INSL6: variants seen among roughly 807,000 people sequenced by gnomAD.
INSL6 encodes the protein insulin-like peptide INSL6.
In INSL6, 16 loss-of-function variants were observed where a neutral mutation model predicts 9.4. The ratio of observed to expected loss-of-function variants is 1.70; its 90% CI spans 1.15 to 2.59. INSL6 has a LOEUF of 2.59. Ranked by LOEUF, INSL6 falls within the 30% of genes most tolerant of loss-of-function variation. The pLI, the probability that INSL6 is intolerant of heterozygous loss-of-function variation, is 0.00. For missense variants in INSL6, 391 were observed against 257.3 expected, an observed-to-expected ratio of 1.52 and a Z score of -3.56; for synonymous variants, 154 against 96.9, an observed-to-expected ratio of 1.59 and a Z score of -3.46.
At chr9:5,039,876 T>G in the INSL6 span, among the ~76,000 whole-genome samples, 1 of 152,186 alleles carries the variant, frequency 6.6e-6, no homozygotes, top group Admixed American at 6.5e-5. Context: ...ATTTTTAAGA[T>G]GGCAATACTC....
In INSL6 at chr9:5,185,457, T is replaced by C. The variant is rs753365466; in HGVS notation, c.146A>G (p.Asn49Ser). 16 of 1,614,068 alleles carry C rather than the reference T, an allele frequency of 9.9e-6. No individual in the cohort carries two copies. The highest frequency in any genetic ancestry group is 1.1e-5 in the South Asian group (1 of 91,078). Reference protein sequence around the residue: ...KEIEKLCGHANWSQFRFEEET... With the variant: ...KEIEKLCGHASWSQFRFEEET... ...CTCCTCGAAACGGAACTGGCTCCAGTTGGCATGGCCGCAGAGTTTTTCTAT... is the reference window on the plus strand; with the variant it reads ...CTCCTCGAAACGGAACTGGCTCCAGCTGGCATGGCCGCAGAGTTTTTCTAT... Residue 49 changes from asparagine to serine, a missense_variant, in exon 1 of 2, where the codon AAC becomes AGC. Transcript: ENST00000381641.
chr9:5,141,165 A>G (rs893072576), intron 2 of INSL6, among the ~76,000 whole-genome samples: 7 of 151,240 alleles, frequency 4.6e-5, no homozygotes, highest in African/African-American at 1.7e-4. Flanking sequence ...TGTTGCAATG[A>G]ACATATGCAT....
At chr9:5,168,052 T>C (rs1825094277) in intron 1 of INSL6, among the ~76,000 whole-genome samples, 1 of 151,886 alleles carries the variant, frequency 6.6e-6, no homozygotes, top group African/African-American at 2.4e-5. Context: ...AAGAAAGACT[T>C]CACAAAAACC....
chr9:5,127,712 C>G, intron 3 of INSL6: 1 of 232,342 alleles, frequency 4.3e-6, no homozygotes. Context: ...TGCTCATGAA[C>G]TAAATTTAAG....
chr9:5,090,232 CTG>C, the INSL6 span, among the ~76,000 whole-genome samples: 1 of 152,138 alleles, frequency 6.6e-6, no homozygotes, highest in Non-Finnish European at 1.5e-5. Context: ...TTATAGAAAA[CTG>C]AAACGCAAAT....
At chr9:4,998,008 G>C in the INSL6 span, among the ~76,000 whole-genome samples, 3 of 152,004 alleles carry the variant, frequency 2.0e-5, no homozygotes, top group Non-Finnish European at 4.4e-5. Context: ...TAGCATGGCA[G>C]TATTTTAAAA....
chr9:5,128,169 T>C, intron 3 of INSL6: 1 of 231,962 alleles, frequency 4.3e-6, no homozygotes. Context: ...AAAAAGAAAA[T>C]AGTTTCTTAC....
chr9:5,093,063 T>C, the INSL6 span, among the ~76,000 whole-genome samples: 2 of 152,278 alleles, frequency 1.3e-5, no homozygotes, highest in Non-Finnish European at 2.9e-5. Flanking sequence ...ACTGGTCTAA[T>C]CTATTATTTA....
the INSL6 span, among the ~76,000 whole-genome samples, chr9:5,024,400 C>G: frequency 3.9e-5 from 6 of 152,218 alleles, no homozygotes; most frequent in South Asian, 2.1e-4. Context: ...CTCTTTCAGT[C>G]TTTGCAGATT....
At chr9:5,160,337 C>A (rs1824900542), downstream of INSL6, among the ~76,000 whole-genome samples, 2 of 152,034 alleles carry the variant, frequency 1.3e-5, no homozygotes, top group Non-Finnish European at 2.9e-5. Context: ...AAACAACATG[C>A]TCCTGAATGA....
chr9:5,119,520 G>C (rs1823456994), downstream of INSL6, among the ~76,000 whole-genome samples: 1 of 151,986 alleles, frequency 6.6e-6, no homozygotes, highest in Admixed American at 6.6e-5. Context: ...AGGATAAGCT[G>C]AAGATGATAT....
the INSL6 span, among the ~76,000 whole-genome samples, chr9:5,072,018 GTTA>G: frequency 5.3e-5 from 8 of 152,154 alleles, no homozygotes; most frequent in African/African-American, 1.7e-4. Context: ...TGGGAAAATA[GTTA>G]TTATTCTCAT....
At chr9:5,124,131 T>G (rs1029565451) in exon 4 of INSL6, among the ~76,000 whole-genome samples, 1 of 151,942 alleles carries the variant, frequency 6.6e-6, no homozygotes, top group Non-Finnish European at 1.5e-5. Flanking sequence ...ATACAAAGTT[T>G]GCAAATATTT....
At chr9:5,046,340 T>C in the INSL6 span, among the ~76,000 whole-genome samples, 2 of 152,198 alleles carry the variant, frequency 1.3e-5, no homozygotes, top group African/African-American at 4.8e-5. Flanking sequence ...TGTAGATAGT[T>C]TTTCCCATTC....
chr9:5,084,180 T>G, the INSL6 span, among the ~76,000 whole-genome samples: 1 of 152,176 alleles, frequency 6.6e-6, no homozygotes, highest in African/African-American at 2.4e-5. Context: ...ATATATTTCT[T>G]AGTAATTTAG....
chr9:5,152,028 T>C lies in INSL6; in HGVS notation c.376+12151A>G, dbSNP rs192552917. Among the ~76,000 whole-genome samples the C allele has an allele frequency of 3.3e-4, 50 of 152,114 alleles. 1 individual carries two copies. In the East Asian group the frequency reaches 7.7e-3, roughly 23 times the overall value. The stretch of plus-strand genomic sequence containing the variant: ...GGAAATATAATGACACAAGAATCAA[T>C]TTACCAAAAAAATGATATGCAGCTA... On this transcript the variant is annotated intron_variant, in intron 2 of 3. Coordinates refer to the INSL6 transcript ENST00000649639.
intron 2 of INSL6, among the ~76,000 whole-genome samples, chr9:5,149,830 T>C (rs756491572): frequency 4.9e-4 from 74 of 152,214 alleles, no homozygotes; most frequent in Non-Finnish European, 9.4e-4. Flanking sequence ...GGTATCACAT[T>C]ATGTGACTTC....
chr9:5,060,733 A>C, the INSL6 span, among the ~76,000 whole-genome samples: 1 of 152,206 alleles, frequency 6.6e-6, no homozygotes, highest in African/African-American at 2.4e-5. Flanking sequence ...GATAATGTTA[A>C]CACTTTGACC....
the INSL6 span, among the ~76,000 whole-genome samples, chr9:5,103,108 TAA>T: frequency 6.7e-6 from 1 of 150,358 alleles, no homozygotes; most frequent in Middle Eastern, 3.2e-3. Flanking sequence ...GCAAATTGGA[TAA>T]AGATTGAAGA....
Sources: allele counts gnomAD v4.1 joint callset (sites outside exome capture counted in the v4.1 genomes callset), GRCh38; gene constraint gnomAD v4.1.1; transcripts MANE v1.5; gene names NCBI Gene and HGNC (gene_info 2026-07-23, HGNC 2026-07-21).